The following ANGPT1 variants were observed in gnomAD, a reference collection of about 807,000 sequenced individuals.
The protein encoded by ANGPT1 is angiopoietin 1, also known as angiopoietin-1.
A neutral mutation model predicts 62.2 loss-of-function variants in ANGPT1; 17 were observed. That is an observed-to-expected ratio of 0.27 (90% CI 0.19 to 0.41). The LOEUF is 0.41. Among genes scored for constraint, ANGPT1 ranks in the 10% least tolerant of loss-of-function variants. The pLI, the probability that ANGPT1 is intolerant of heterozygous loss-of-function variation, is 1.00. For synonymous variants in ANGPT1, 199 were observed against 198.9 expected (o/e 1.00, Z 0.00); for missense variants, 478 against 594.9 (o/e 0.80, Z 2.04).
intron 1 of ANGPT1, among the ~76,000 whole-genome samples, chr8:107,482,100 C>T (rs1460294023): frequency 6.6e-6 from 1 of 152,136 alleles, no homozygotes; most frequent in African/African-American, 2.4e-5. Flanking sequence ...TGAGTTGAAC[C>T]TGATGTAGCT....
intron 4 of ANGPT1, among the ~76,000 whole-genome samples, chr8:107,318,810 T>C (rs1182957446): frequency 3.9e-5 from 6 of 152,168 alleles, no homozygotes; most frequent in African/African-American, 1.4e-4. Flanking sequence ...TTACCTCACA[T>C]ACTCGTCATT....
intron 1 of ANGPT1, among the ~76,000 whole-genome samples, chr8:107,441,563 T>C (rs182942675): frequency 3.9e-5 from 6 of 151,980 alleles, no homozygotes; most frequent in African/African-American, 7.2e-5. Flanking sequence ...AGCTCAGGAG[T>C]CGGACAGATC....
chr8:107,323,132 C>T (rs1815195139), intron 3 of ANGPT1, among the ~76,000 whole-genome samples: 2 of 152,180 alleles, frequency 1.3e-5, no homozygotes, highest in African/African-American at 2.4e-5. Flanking sequence ...TCTCCCTGAG[C>T]TCTTTATAGG....
intron 7 of ANGPT1, among the ~76,000 whole-genome samples, chr8:107,279,426 G>A (rs1019793038): frequency 2.0e-5 from 3 of 152,148 alleles, no homozygotes; most frequent in African/African-American, 7.2e-5. Flanking sequence ...CTATATCTTA[G>A]AGTATGTGTT....
intron 1 of ANGPT1, among the ~76,000 whole-genome samples, chr8:107,435,804 A>G (rs1175339381): frequency 6.6e-6 from 1 of 152,190 alleles, no homozygotes; most frequent in African/African-American, 2.4e-5. Context: ...TTGTAAGCAT[A>G]CTGTAATTTC....
intron 3 of ANGPT1, among the ~76,000 whole-genome samples, chr8:107,328,548 A>G (rs967323759): frequency 6.6e-6 from 1 of 152,022 alleles, no homozygotes; most frequent in African/African-American, 2.4e-5. Flanking sequence ...AATAAACTAG[A>G]GAAAATTTTG....
At chr8:107,299,406 T>C (rs1185003195) in intron 5 of ANGPT1, among the ~76,000 whole-genome samples, 2 of 141,318 alleles carry the variant, frequency 1.4e-5, no homozygotes, top group African/African-American at 5.1e-5. Context: ...TATATATATA[T>C]ATATATATAT....
chr8:107,384,761 T>C (rs892428973), intron 1 of ANGPT1, among the ~76,000 whole-genome samples: 7 of 152,176 alleles, frequency 4.6e-5, no homozygotes, highest in Non-Finnish European at 8.8e-5. Context: ...TTTTAAGTTT[T>C]ACAGTTAAAT....
intron 6 of ANGPT1, among the ~76,000 whole-genome samples, chr8:107,287,488 A>G (rs1050335064): frequency 9.9e-5 from 15 of 152,220 alleles, no homozygotes; most frequent in Non-Finnish European, 1.8e-4. Context: ...AGCATGCTCT[A>G]GTATGAGAGC....
intron 1 of ANGPT1, among the ~76,000 whole-genome samples, chr8:107,352,066 A>G (rs974829325): frequency 1.3e-5 from 2 of 152,182 alleles, no homozygotes; most frequent in Non-Finnish European, 2.9e-5. Context: ...CTTTGAGGCT[A>G]GATTGACCAG....
At chr8:107,324,508 C>T (rs1486205492) in intron 3 of ANGPT1, among the ~76,000 whole-genome samples, 3 of 152,064 alleles carry the variant, frequency 2.0e-5, no homozygotes, top group Admixed American at 1.3e-4. Flanking sequence ...CTAGGGCCTT[C>T]GGAGAGAGCC....
chr8:107,364,876 A>G (rs1816240007), intron 1 of ANGPT1, among the ~76,000 whole-genome samples: 1 of 152,198 alleles, frequency 6.6e-6, no homozygotes, highest in Non-Finnish European at 1.5e-5. Flanking sequence ...AAAGTGAGAG[A>G]CTGCAGTGAA....
intron 1 of ANGPT1, among the ~76,000 whole-genome samples, chr8:107,352,808 A>G (rs916936776): frequency 6.6e-6 from 1 of 152,198 alleles, no homozygotes; most frequent in Non-Finnish European, 1.5e-5. Context: ...ATGACAAAAC[A>G]ACCATGAAAT....
At chr8:107,253,339 T>C (rs1428425793) in intron 8 of ANGPT1, among the ~76,000 whole-genome samples, 1 of 152,220 alleles carries the variant, frequency 6.6e-6, no homozygotes, top group South Asian at 2.1e-4. Context: ...TTAAGATTAA[T>C]TCTTCTAATT....
At chr8:107,493,892 A>G (rs1813028988) in intron 1 of ANGPT1, among the ~76,000 whole-genome samples, 1 of 150,502 alleles carries the variant, frequency 6.6e-6, no homozygotes, top group Non-Finnish European at 1.5e-5. Context: ...AACTCTGAAG[A>G]AAAGAATACA....
chr8:107,253,129 C>A (rs1813283167), intron 8 of ANGPT1, among the ~76,000 whole-genome samples: 1 of 152,186 alleles, frequency 6.6e-6, no homozygotes, highest in Non-Finnish European at 1.5e-5. Context: ...AGAGGCGTAA[C>A]AAGCTGCATT....
chr8:107,325,479 A>C (rs1374459694), intron 3 of ANGPT1, among the ~76,000 whole-genome samples: 1 of 152,216 alleles, frequency 6.6e-6, no homozygotes, highest in African/African-American at 2.4e-5. Context: ...TGAACGTTAT[A>C]GTCATATAAT....
intron 1 of ANGPT1, among the ~76,000 whole-genome samples, chr8:107,480,818 A>C (rs920048570): frequency 5.3e-5 from 8 of 152,210 alleles, no homozygotes; most frequent in African/African-American, 1.9e-4. Flanking sequence ...TCTTTGAAGA[A>C]TTGTAACAGG....
At chr8:107,370,811 T>C (rs112493060) in intron 1 of ANGPT1, among the ~76,000 whole-genome samples, 24,928 of 148,356 alleles carry the variant, frequency 0.17, 2,525 homozygotes, top group Admixed American at 0.23. Context: ...TAATCACTAA[T>C]CACAAATAAC....
Sources: allele counts gnomAD v4.1 joint callset (sites outside exome capture counted in the v4.1 genomes callset), GRCh38; gene constraint gnomAD v4.1.1; transcripts MANE v1.5; gene names NCBI Gene and HGNC (gene_info 2026-07-23, HGNC 2026-07-21).